The following CSMD1 variants were observed in gnomAD, a reference collection of about 807,000 sequenced individuals.
CSMD1 encodes CUB and sushi domain-containing protein 1.
CSMD1 carries 213 observed loss-of-function variants against 417.5 expected under a neutral mutation model. The observed-to-expected ratio is 0.51, with a 90% CI of 0.46 to 0.57. The LOEUF (loss-of-function observed/expected upper bound fraction) is 0.57. Ranked by LOEUF, CSMD1 falls within the 20% of genes least tolerant of loss-of-function variation. The pLI is 0.00. For missense variants in CSMD1, 6,923 were observed against 4,529.7 expected, an observed-to-expected ratio of 1.53 and a Z score of -15.17; for synonymous variants, 2,862 against 1,736.8, an observed-to-expected ratio of 1.65 and a Z score of -16.11.
intron 41 of CSMD1, among the ~76,000 whole-genome samples, chr8:3,133,241 C>G (rs1659570598): frequency 6.6e-6 from 1 of 152,110 alleles, no homozygotes; most frequent in Non-Finnish European, 1.5e-5. Context: ...CAATGGGGCC[C>G]CTTCTTGGCT....
chr8:3,373,579 C>T (rs149766661), intron 18 of CSMD1: 1 of 152,098 alleles, frequency 6.6e-6, no homozygotes, highest in Non-Finnish European at 1.5e-5. Flanking sequence ...AATGAAATAC[C>T]TGAATTACAT....
chr8:3,100,184 T>C (rs955305152), intron 46 of CSMD1, among the ~76,000 whole-genome samples: 5 of 152,134 alleles, frequency 3.3e-5, no homozygotes, highest in African/African-American at 9.7e-5. Flanking sequence ...CCCGAGTAGC[T>C]GGGACTACAG....
intron 6 of CSMD1, among the ~76,000 whole-genome samples, chr8:3,753,281 C>A (rs1199325206): frequency 2.6e-5 from 4 of 152,126 alleles, no homozygotes; most frequent in African/African-American, 4.8e-5. Flanking sequence ...GCTTAATAAA[C>A]TGAATAGTTT....
At chr8:4,859,834 T>C (rs1391353922) in intron 1 of CSMD1, among the ~76,000 whole-genome samples, 1 of 152,128 alleles carries the variant, frequency 6.6e-6, no homozygotes. Flanking sequence ...AGTTCAACCA[T>C]TGTGGAAGTC....
At chr8:3,298,856 C>G (rs369901487) in intron 25 of CSMD1, among the ~76,000 whole-genome samples, 2 of 152,184 alleles carry the variant, frequency 1.3e-5, no homozygotes, top group African/African-American at 2.4e-5. Context: ...AAGGTCTATC[C>G]TGAGTCCAGA....
chr8:4,224,659 T>C (rs923044799), intron 3 of CSMD1, among the ~76,000 whole-genome samples: 2 of 152,220 alleles, frequency 1.3e-5, no homozygotes, highest in South Asian at 2.1e-4. Flanking sequence ...GATAAGTGGA[T>C]AGAATTCCCC....
intron 1 of CSMD1, among the ~76,000 whole-genome samples, chr8:4,929,136 G>A (rs1807067993): frequency 6.6e-6 from 1 of 152,112 alleles, no homozygotes; most frequent in South Asian, 2.1e-4. Context: ...CTTTATAAAA[G>A]GAGAAGATGT....
At chr8:4,677,172 T>C (rs899827280) in intron 1 of CSMD1, among the ~76,000 whole-genome samples, 3 of 149,672 alleles carry the variant, frequency 2.0e-5, no homozygotes, top group African/African-American at 7.3e-5. Flanking sequence ...TCGGATTTTA[T>C]CATTTATATG....
chr8:3,551,166 A>G (rs1322213409), intron 10 of CSMD1, among the ~76,000 whole-genome samples: 3 of 152,222 alleles, frequency 2.0e-5, no homozygotes, highest in African/African-American at 7.2e-5. Context: ...AATGTAGCCT[A>G]TGGCATAGGG....
At chr8:3,324,542 C>A (rs1410940852) in intron 23 of CSMD1, among the ~76,000 whole-genome samples, 5 of 150,372 alleles carry the variant, frequency 3.3e-5, no homozygotes, top group African/African-American at 1.2e-4. Context: ...TTCCCCCCAC[C>A]ATTCGTCACT....
chr8:3,090,316 C>CAAAAAAA (rs35534326), intron 48 of CSMD1, among the ~76,000 whole-genome samples: 44 of 79,806 alleles, frequency 5.5e-4, no homozygotes, highest in African/African-American at 9.6e-4. Flanking sequence ...GACTGTATTT[C>CAAAAAAA]AAAAAAAAAA....
At chr8:3,656,985 G>T (rs567157296) in intron 7 of CSMD1, among the ~76,000 whole-genome samples, 1 of 151,736 alleles carries the variant, frequency 6.6e-6, no homozygotes, top group South Asian at 2.1e-4. Flanking sequence ...GTGAATTTTA[G>T]GACATGGGGA....
intron 3 of CSMD1, among the ~76,000 whole-genome samples, chr8:4,190,944 A>G (rs1798988404): frequency 7.2e-6 from 1 of 139,550 alleles, no homozygotes; most frequent in South Asian, 2.4e-4. Context: ...ACTGCGGCTC[A>G]GTGGAGAGTG....
At chr8:4,634,925 G>A (rs1802734399) in intron 2 of CSMD1, among the ~76,000 whole-genome samples, 1 of 152,086 alleles carries the variant, frequency 6.6e-6, no homozygotes, top group Non-Finnish European at 1.5e-5. Flanking sequence ...TTGTATTACA[G>A]TACTCTAAAC....
chr8:4,208,239 C>G (rs1422656365), intron 3 of CSMD1, among the ~76,000 whole-genome samples: 1 of 152,050 alleles, frequency 6.6e-6, no homozygotes, highest in Non-Finnish European at 1.5e-5. Context: ...GTAACTGCTC[C>G]TGTTATAATT....
At chr8:4,446,350 C>A (rs1413403840) in intron 2 of CSMD1, among the ~76,000 whole-genome samples, 1 of 152,096 alleles carries the variant, frequency 6.6e-6, no homozygotes, top group Non-Finnish European at 1.5e-5. Context: ...GAGTTTGAAA[C>A]CAGCCTGGGC....
intron 3 of CSMD1, among the ~76,000 whole-genome samples, chr8:4,144,048 G>T (rs568508848): frequency 6.6e-6 from 1 of 151,358 alleles, no homozygotes; most frequent in Admixed American, 6.6e-5. Context: ...ATCCTTTGTT[G>T]TTAGGAAATG....
chr8:3,745,086 C>G (rs1797003371), intron 6 of CSMD1, among the ~76,000 whole-genome samples: 2 of 152,302 alleles, frequency 1.3e-5, no homozygotes, highest in East Asian at 1.9e-4. Context: ...GACATACAAG[C>G]TGAATTGTAG....
intron 3 of CSMD1, among the ~76,000 whole-genome samples, chr8:4,111,281 G>A (rs1801840826): frequency 6.6e-6 from 1 of 152,250 alleles, no homozygotes; most frequent in African/African-American, 2.4e-5. Context: ...ATAGATCAGT[G>A]AAATCTTATG....
Sources: allele counts gnomAD v4.1 joint callset (sites outside exome capture counted in the v4.1 genomes callset), GRCh38; gene constraint gnomAD v4.1.1; transcripts MANE v1.5; gene names NCBI Gene and HGNC (gene_info 2026-07-23, HGNC 2026-07-21).